NUP210: variants seen among roughly 807,000 people sequenced by gnomAD.
The protein encoded by NUP210 is nucleoporin 210.
In NUP210, 151 loss-of-function variants were observed where a neutral mutation model predicts 196.0. The ratio of observed to expected loss-of-function variants is 0.77; its 90% CI spans 0.67 to 0.88. The LOEUF is 0.88. Among genes scored for constraint, NUP210 ranks in the 40% least tolerant of loss-of-function variants. The pLI is 0.00. For missense variants in NUP210, 2,314 were observed against 2,493.7 expected (o/e 0.93, Z 1.53); for synonymous variants, 1,070 against 1,052.7 (o/e 1.02, Z -0.32).
chr3:13,321,936 C>T, intron 35 of NUP210, 101 bp from the exon 36 acceptor site: 3 of 1,494,936 alleles, frequency 2.0e-6, no homozygotes, highest in Non-Finnish European at 2.7e-6. Context: ...TATGCATCCT[C>T]CAAAGCCCAG....
chr3:13,354,077 G>A lies in NUP210; in HGVS notation c.2359C>T (p.Leu787=), dbSNP rs781172393. The A allele has an allele frequency of 1.2e-6, 2 of 1,601,416 alleles. No individual in the cohort carries two copies. The highest frequency in any genetic ancestry group is 1.7e-6 in the Non-Finnish European group (2 of 1,174,298). The change falls in exon 17 of 40, where the codon CTG becomes TTG. Residue 787 remains leucine, a synonymous_variant. Transcript: ENST00000254508. ...VPVSSHRNPR[L]DLAAYDQEGR... ...TCCTGGTCGTAAGCAGCCAGGTCCA[G>A]CCGGGGGTTGCGGTGGCTGGACACT...
rs890129592 is a variant in NUP210 at position 13,323,041 on chromosome 3, C to T, written c.4768+268G>A. Reference sequence around the variant, plus strand: ...AATTGTGGCTTTCTTTGCTAGGGTGCCCTCGGGCTGAAGTCACATTTCCAG... The same window carrying T: ...AATTGTGGCTTTCTTTGCTAGGGTGTCCTCGGGCTGAAGTCACATTTCCAG... On this transcript the variant is annotated intron_variant, in intron 34 of 39. Transcript: ENST00000254508. This position sits in a 1 kb window ranked among gnomAD's most constrained non-coding sequence, Gnocchi z 4.3. Among the ~76,000 whole-genome samples the T allele has an allele frequency of 1.3e-5, 2 of 152,106 alleles. No individual in the cohort carries two copies. The highest frequency in any genetic ancestry group is 4.8e-5 in the African/African-American group (2 of 41,408).
At position 13,373,250 on chromosome 3, in the gene NUP210, C is replaced by T. The variant is rs538772689; in HGVS notation, c.1587+468G>A. Among the ~76,000 whole-genome samples the T allele has an allele frequency of 1.3e-4, 20 of 152,282 alleles. No homozygotes were observed. The South Asian group carries it at 3.9e-3, about 30-fold the overall frequency. ...CTGCCACCATTGTGAAGTGAGATGG[C>T]CCCATGTCACTTAGGGCCAAAAGCC... On this transcript the variant is annotated intron_variant, in intron 12 of 39. Transcript: ENST00000254508.
intron 3 of NUP210, among the ~76,000 whole-genome samples, chr3:13,396,148 G>C (rs894275613): frequency 6.6e-6 from 1 of 152,200 alleles, no homozygotes; most frequent in Non-Finnish European, 1.5e-5. Context: ...GGCCATTTTT[G>C]ATTGTCATGG....
In NUP210 at chr3:13,351,970, C is replaced by T. The variant is rs369950513; in HGVS notation, c.2744G>A (p.Arg915His). ...GAAGTAACCTGAGCCTTCCCTGATGCGGAGCTCTGCCTGCAGGAGGCAGAT... is the reference window on the plus strand; with the variant it reads ...GAAGTAACCTGAGCCTTCCCTGATGTGGAGCTCTGCCTGCAGGAGGCAGAT... ...YNHPGIQAEL[R>H]IREGSGYFFL... The change falls in exon 20 of 40, where the codon CGC (arginine) becomes CAC (histidine). Residue 915 changes from arginine (R) to histidine (H), a missense_variant. Transcript: ENST00000254508. 18 of 1,610,570 alleles carry T rather than the reference C, an allele frequency of 1.1e-5. No individual in the cohort carries two copies. Among genetic ancestry groups the T allele is most frequent in the Admixed American group, 3.3e-5 (2 of 59,824 alleles).
rs756572730 is a variant in NUP210, at chr3:13,373,877, C to A, written c.1432-4G>T. The A allele has an allele frequency of 5.0e-6, 8 of 1,612,180 alleles. No individual in the cohort carries two copies. In the East Asian group the frequency reaches 1.1e-4, roughly 23 times the overall value. On this transcript the variant is annotated splice_region_variant and splice_polypyrimidine_tract_variant and intron_variant, in intron 11 of 39. Coordinates refer to ENST00000254508, the MANE Select transcript of NUP210 (RefSeq NM_024923.4). ...AGTTCCCACTGCCACCGTGGGCCTGCGGAGGAAAAGCCATCACAGGACCAG... is the reference window on the plus strand; with the variant it reads ...AGTTCCCACTGCCACCGTGGGCCTGAGGAGGAAAAGCCATCACAGGACCAG...
At chr3:13,334,520 CT>C (rs1303194431) in intron 28 of NUP210, among the ~76,000 whole-genome samples, 2 of 152,094 alleles carry the variant, frequency 1.3e-5, no homozygotes, top group Non-Finnish European at 2.9e-5. Context: ...TTCTTTGCCC[CT>C]GATCAGGGAG....
rs529221196 is a variant in NUP210, at chr3:13,353,963, T to C, written c.2473A>G (p.Met825Val). 34 of 1,610,482 alleles carry C rather than the reference T, an allele frequency of 2.1e-5. No individual in the cohort carries two copies. Among genetic ancestry groups the C allele is most frequent in the Admixed American group, 5.0e-5 (3 of 59,698 alleles). The change falls in exon 17 of 40, where the codon ATG becomes GTG. Residue 825 changes from methionine to valine, a missense_variant. Physicochemically the swap from Met to Val is conservative, Grantham distance 21. Coordinates refer to ENST00000254508, the MANE Select transcript of NUP210 (RefSeq NM_024923.4). ...VLASIEPELPMQLVSQDDESG... is the reference protein window; with the variant it reads ...VLASIEPELPVQLVSQDDESG... ...TCATCGTCCTGGGACACCAGCTGCA[T>C]GGGCAGCTCAGGCTCGATGCTGGCC...
At chr3:13,339,746 G>C (rs1697382194) in intron 25 of NUP210, 108 bp downstream of exon 25, 1 of 1,047,184 alleles carries the variant, frequency 9.5e-7, no homozygotes, top group Non-Finnish European at 1.4e-6. Context: ...CCAGGGGGCA[G>C]AAGCAGCACC....
In NUP210 at chr3:13,335,541, C is replaced by T. The variant is rs759464169; in HGVS notation, c.3756G>A (p.Gly1252=). Residue 1252 remains glycine, a synonymous_variant, in exon 28 of 40, where the codon GGG becomes GGA. Coordinates refer to ENST00000254508, the MANE Select transcript of NUP210 (RefSeq NM_024923.4). ...NVLGRVKGRT[G]LRVVVKAVDP... is the part of the protein sequence containing the mutation. ...CCACAGCCTTGACCACCACCCTCAG[C>T]CCGGTCCGGCCTTTTACCCGGCCGA... 2 of 1,614,026 alleles carry T rather than the reference C, an allele frequency of 1.2e-6. No homozygotes were observed. The highest frequency in any genetic ancestry group is 8.5e-7 in the Non-Finnish European group (1 of 1,180,052).
intron 2 of NUP210, among the ~76,000 whole-genome samples, chr3:13,398,109 C>T (rs1436580027): frequency 6.6e-6 from 1 of 152,166 alleles, no homozygotes; most frequent in African/African-American, 2.4e-5. Flanking sequence ...GGTTTTCTTG[C>T]ACAGCAATAC....
intron 1 of NUP210, among the ~76,000 whole-genome samples, chr3:13,418,974 G>C (rs9859599): frequency 9.5e-6 from 1 of 104,934 alleles, no homozygotes; most frequent in Non-Finnish European, 1.9e-5. Flanking sequence ...AAAAAAAAAA[G>C]AAAGAAAGAA....
At chr3:13,359,872 C>T (rs1253561528) in intron 15 of NUP210, among the ~76,000 whole-genome samples, 1 of 152,180 alleles carries the variant, frequency 6.6e-6, no homozygotes, top group Non-Finnish European at 1.5e-5. Context: ...TTGTGATTTC[C>T]AGGTTATCCT....
chr3:13,352,315 C>G, intron 18 of NUP210, 131 bp from the exon 19 acceptor site: 1 of 645,668 alleles, frequency 1.5e-6, no homozygotes, highest in Admixed American at 2.7e-5. Context: ...CTGAGCCCAG[C>G]AGAATGGCCA....
At chr3:13,393,934 T>TA (rs1699570431) in intron 3 of NUP210, among the ~76,000 whole-genome samples, 1 of 152,170 alleles carries the variant, frequency 6.6e-6, no homozygotes, top group Admixed American at 6.5e-5. Flanking sequence ...AGCAAACATT[T>TA]ACCCAATGCC....
chr3:13,411,752 AT>A (rs1700180698), intron 1 of NUP210, among the ~76,000 whole-genome samples: 1 of 152,032 alleles, frequency 6.6e-6, no homozygotes. Context: ...TTACTTATTT[AT>A]TTATTTGAGA....
At chr3:13,393,986 A>C (rs753107533) in intron 3 of NUP210, among the ~76,000 whole-genome samples, 111 of 152,208 alleles carry the variant, frequency 7.3e-4, no homozygotes, top group Admixed American at 4.3e-3. Context: ...AAAAGTCCAG[A>C]AGAATGAACT....
In NUP210 at chr3:13,376,530, C is replaced by T. The variant is rs1698916484; in HGVS notation, c.1153-99G>A. ...TACAGGACTGAAACCAGCAGCCAGG[C>T]CAGGCCAAGGGGCCCCCTGGGGCTC... On this transcript the variant is annotated intron_variant, in intron 9 of 39. Coordinates refer to ENST00000254508, the MANE Select transcript of NUP210 (RefSeq NM_024923.4). 7.5e-6 allele frequency: 11 copies of T among 1,458,638 alleles called. No homozygotes were observed. In the South Asian group the frequency reaches 1.0e-4, roughly 13 times the overall value. 90.4% of individuals were successfully genotyped at this position (1,458,638 alleles called of 1,614,324 possible). A position where few individuals can be genotyped will look rare whatever the true frequency, so the allele number is the denominator to read the frequency against.
rs1206234994 is a variant in NUP210, at chr3:13,382,667, G to A, written c.818-2946C>T. ...GAGTTAATCTGCAGTTATAATTATC[G>A]CATGTTAATGAGCCCATGTAACTGT... is the stretch of plus-strand genomic sequence containing the variant. On this transcript the variant is annotated intron_variant, in intron 6 of 39. Transcript: ENST00000254508. Among the ~76,000 whole-genome samples the A allele has an allele frequency of 3.3e-5, 5 of 152,286 alleles. No homozygotes were observed. In the East Asian group the frequency reaches 7.7e-4, roughly 23 times the overall value.
Sources: gnomAD v4.1 joint callset for allele counts (sites outside exome capture counted in the v4.1 genomes callset) on GRCh38, gnomAD v4.1.1 for gene constraint, Gnocchi (gnomAD v3.1) non-coding constraint, MANE v1.5 for transcripts, NCBI Gene and HGNC (gene_info 2026-07-23, HGNC 2026-07-21) for gene names.